Variants in SLC35D2 observed in about 807,000 individuals in gnomAD.
SLC35D2 encodes solute carrier family 35 member D2, also known as nucleotide sugar transporter SLC35D2.
Under a neutral mutation model 41.8 loss-of-function variants are expected in SLC35D2, and 43 were observed. The ratio of observed to expected loss-of-function variants is 1.03; its 90% CI spans 0.81 to 1.33. The LOEUF (loss-of-function observed/expected upper bound fraction) is 1.33. Among genes scored for constraint, SLC35D2 ranks in the 40% most tolerant of loss-of-function variants. The pLI is 0.00. For synonymous variants in SLC35D2, 150 were observed against 163.9 expected (o/e 0.92, Z 0.65); for missense variants, 380 against 408.4 (o/e 0.93, Z 0.60).
intron 1 of SLC35D2, among the ~76,000 whole-genome samples, chr9:96,378,595 T>C (rs1831053857): frequency 6.6e-6 from 1 of 152,124 alleles, no homozygotes; most frequent in African/African-American, 2.4e-5. Context: ...AGGAGTATAA[T>C]ATTATATAAT....
intron 6 of SLC35D2, 88 bp downstream of exon 6, chr9:96,351,015 A>G: frequency 1.0e-6 from 1 of 981,080 alleles, no homozygotes; most frequent in Middle Eastern, 2.1e-4. Flanking sequence ...AACAGCAGCC[A>G]GATGGAAAAT....
At chr9:96,381,572 C>CCTCA (rs1321493543) in intron 1 of SLC35D2, among the ~76,000 whole-genome samples, 1 of 152,176 alleles carries the variant, frequency 6.6e-6, no homozygotes, top group African/African-American at 2.4e-5. Context: ...TCCCTCTCTC[C>CCTCA]CTCACTCCCT....
intron 11 of SLC35D2, 74 bp from the exon 12 acceptor site, chr9:96,321,415 T>C (rs1828220565): frequency 2.0e-6 from 2 of 980,002 alleles, no homozygotes; most frequent in Middle Eastern, 2.1e-4. Context: ...TGCTGGCGTT[T>C]TTATCAATAC....
chr9:96,372,897 T>C (rs1487896594), intron 1 of SLC35D2, among the ~76,000 whole-genome samples: 2 of 149,776 alleles, frequency 1.3e-5, no homozygotes, highest in African/African-American at 4.9e-5. Flanking sequence ...TTTTGTTCTT[T>C]TGTTTTTTTG....
At chr9:96,336,683 T>G (rs1829063936) in intron 9 of SLC35D2, 34 bp downstream of exon 9, 2 of 1,261,604 alleles carry the variant, frequency 1.6e-6, no homozygotes, top group East Asian at 4.8e-5. Context: ...GAGATACTGT[T>G]GACCAATGCT....
chr9:96,331,497 CTTT>C (rs1214524465), intron 9 of SLC35D2, among the ~76,000 whole-genome samples: 1 of 151,340 alleles, frequency 6.6e-6, no homozygotes, highest in Non-Finnish European at 1.5e-5. Flanking sequence ...CCCTCCCTCC[CTTT>C]TTTTTTCTTT....
At chr9:96,331,882 T>C (rs906806331) in intron 9 of SLC35D2, among the ~76,000 whole-genome samples, 2 of 152,184 alleles carry the variant, frequency 1.3e-5, no homozygotes, top group Non-Finnish European at 2.9e-5. Context: ...GGATGTAGGT[T>C]GCATGCTCCT....
At chr9:96,324,250 C>G in intron 9 of SLC35D2, 81 bp from the exon 10 acceptor site, 1 of 1,092,886 alleles carries the variant, frequency 9.2e-7, no homozygotes, top group Non-Finnish European at 1.4e-6. Flanking sequence ...GCAGTGACCC[C>G]CACACAAGCA....
At chr9:96,340,512 C>G (rs1047738726) in intron 8 of SLC35D2, among the ~76,000 whole-genome samples, 4 of 147,138 alleles carry the variant, frequency 2.7e-5, no homozygotes, top group African/African-American at 7.5e-5. Flanking sequence ...TCCAGCTACT[C>G]AGGAGGCTGA....
At chr9:96,353,403 G>A (rs1381792534) in intron 4 of SLC35D2, among the ~76,000 whole-genome samples, 1 of 151,694 alleles carries the variant, frequency 6.6e-6, no homozygotes, top group Non-Finnish European at 1.5e-5. Context: ...ACCCAGGCTG[G>A]AGTGCAGTGG....
At chr9:96,366,474 G>T (rs1390277825) in intron 2 of SLC35D2, among the ~76,000 whole-genome samples, 4 of 149,130 alleles carry the variant, frequency 2.7e-5, no homozygotes, top group Non-Finnish European at 1.5e-5. Flanking sequence ...AAAGAGTAAT[G>T]AATTTATTTC....
In SLC35D2 at chr9:96,331,842, G is replaced by A. The variant is rs147940383; in HGVS notation, c.752+4875C>T. ...GATGGCATTAGGTTCTCATAGAAGC[G>A]CAAACCCTATTGTGAACTGCGCATT... On this transcript the variant is annotated intron_variant, in intron 9 of 11. Transcript: ENST00000253270. 5.1e-4 allele frequency among the ~76,000 whole-genome samples: 78 copies of A among 152,290 alleles called. 1 individual carries two copies. In the East Asian group the frequency reaches 0.011, roughly 22 times the overall value.
intron 8 of SLC35D2, 136 bp from the exon 9 acceptor site, chr9:96,336,920 T>C (rs1177111478): frequency 5.0e-6 from 3 of 596,562 alleles, no homozygotes; most frequent in South Asian, 2.2e-5. Flanking sequence ...TCCTAGGTCA[T>C]ACTAGTTGTG....
chr9:96,382,498 A>ACACACAC (rs374142868), intron 1 of SLC35D2, among the ~76,000 whole-genome samples: 6 of 103,118 alleles, frequency 5.8e-5, no homozygotes, highest in Non-Finnish European at 1.2e-4. Context: ...CACACACACT[A>ACACACAC]TATATATATA....
downstream of SLC35D2, among the ~76,000 whole-genome samples, chr9:96,320,400 C>T (rs1025253295): frequency 2.0e-5 from 3 of 151,990 alleles, no homozygotes; most frequent in African/African-American, 7.2e-5. Flanking sequence ...CCTGTAATCC[C>T]AGCTACTCGG....
intron 9 of SLC35D2, 110 bp from the exon 10 acceptor site, chr9:96,324,279 G>T: frequency 1.3e-6 from 1 of 748,550 alleles, no homozygotes; most frequent in Non-Finnish European, 2.2e-6. Flanking sequence ...GAAGAAAAAA[G>T]AAACACATAT....
chr9:96,353,462 T>C (rs924641814), intron 4 of SLC35D2, among the ~76,000 whole-genome samples: 2 of 152,104 alleles, frequency 1.3e-5, no homozygotes, highest in Non-Finnish European at 2.9e-5. Flanking sequence ...CAAGCGATTC[T>C]CCTGCCTCAG....
chr9:96,344,735 G>C (rs1282548306), intron 7 of SLC35D2, among the ~76,000 whole-genome samples: 2 of 148,794 alleles, frequency 1.3e-5, no homozygotes, highest in South Asian at 4.3e-4. Flanking sequence ...GGATGGGGGA[G>C]GGGGAGGGAT....
chr9:96,359,766 A>G (rs549593437), intron 4 of SLC35D2, among the ~76,000 whole-genome samples: 3 of 151,958 alleles, frequency 2.0e-5, no homozygotes, highest in Non-Finnish European at 4.4e-5. Context: ...GTCTGTCATT[A>G]TTTTTCCCTG....
Sources: allele counts gnomAD v4.1 joint callset (sites outside exome capture counted in the v4.1 genomes callset), GRCh38; gene constraint gnomAD v4.1.1; transcripts MANE v1.5; gene names NCBI Gene and HGNC (gene_info 2026-07-23, HGNC 2026-07-21).